The following KCND2 variants were observed in gnomAD, a reference collection of about 807,000 sequenced individuals.
The protein encoded by KCND2 is potassium voltage-gated channel subfamily D member 2, also known as A-type voltage-gated potassium channel KCND2.
KCND2 carries 16 observed loss-of-function variants against 54.4 expected under a neutral mutation model. The ratio of observed to expected loss-of-function variants is 0.29; its 90% CI spans 0.20 to 0.45. The LOEUF is 0.45. Ranked by LOEUF, KCND2 falls within the 20% of genes least tolerant of loss-of-function variation. The probability of loss-of-function intolerance (pLI) is 1.00; values close to 1 mark genes in which losing one functional copy is unlikely to be tolerated. For missense variants in KCND2, 486 were observed against 824.2 expected (o/e 0.59, Z 5.02); for synonymous variants, 317 against 310.7 (o/e 1.02, Z -0.21).
chr7:120,740,079 A>G (rs1792922169), intron 2 of KCND2, among the ~76,000 whole-genome samples: 2 of 152,092 alleles, frequency 1.3e-5, no homozygotes, highest in Admixed American at 6.6e-5. Flanking sequence ...AAAAAACACA[A>G]CTAAATGCAG....
chr7:120,380,010 C>T lies in KCND2; in HGVS notation c.1115+104263C>T, dbSNP rs142997050. Among the ~76,000 whole-genome samples the T allele has an allele frequency of 3.3e-5, 5 of 152,116 alleles. 1 individual carries two copies. Among genetic ancestry groups the T allele is most frequent in the Admixed American group, 2.0e-4 (3 of 15,264 alleles). Reference sequence around the variant, plus strand: ...ACAGTATAACCTACGCTATCCTGACCTGTACATATTTTCATATGATATATC... The same window carrying T: ...ACAGTATAACCTACGCTATCCTGACTTGTACATATTTTCATATGATATATC... On this transcript the variant is annotated intron_variant, in intron 1 of 5. Coordinates refer to ENST00000331113, the MANE Select transcript of KCND2 (RefSeq NM_012281.3).
At chr7:120,666,641 G>C (rs1250697292) in intron 1 of KCND2, among the ~76,000 whole-genome samples, 1 of 151,800 alleles carries the variant, frequency 6.6e-6, no homozygotes, top group East Asian at 1.9e-4. Context: ...GCTCTTGCAA[G>C]AGCATCCCTC....
rs143522381 is a variant in KCND2, at chr7:120,418,834, C to T, written c.1115+143087C>T. Among the ~76,000 whole-genome samples, 552 of 152,250 alleles carry T rather than the reference C, an allele frequency of 3.6e-3. 6 individuals carry two copies. Among genetic ancestry groups the T allele is most frequent in the Middle Eastern group, 0.024 (7 of 294 alleles). On this transcript the variant is annotated intron_variant, in intron 1 of 5. Transcript: ENST00000331113. ...GAGTGGCTGTACTCTTTTATTTACT[C>T]AATTGTTCCACCAAACAAATACATT...
At chr7:120,297,458 A>G (rs1209790723) in intron 1 of KCND2, among the ~76,000 whole-genome samples, 5 of 152,102 alleles carry the variant, frequency 3.3e-5, no homozygotes, top group African/African-American at 9.7e-5. Flanking sequence ...TGATCCATCA[A>G]TGAACACTTA....
chr7:120,437,806 AC>A (rs1270133056), intron 1 of KCND2, among the ~76,000 whole-genome samples: 1 of 152,228 alleles, frequency 6.6e-6, no homozygotes, highest in African/African-American at 2.4e-5. Context: ...CATCAGCATC[AC>A]AACAGAATGA....
chr7:120,621,772 G>A (rs915117174), intron 1 of KCND2, among the ~76,000 whole-genome samples: 8 of 151,998 alleles, frequency 5.3e-5, no homozygotes, highest in South Asian at 2.1e-4. Flanking sequence ...GAAACATTGC[G>A]CGTGTGAGAA....
At chr7:120,288,530 A>G (rs1799382623) in intron 1 of KCND2, among the ~76,000 whole-genome samples, 1 of 152,078 alleles carries the variant, frequency 6.6e-6, no homozygotes, top group Admixed American at 6.6e-5. Flanking sequence ...TGATGTTGAG[A>G]TGTTTAATTG....
chr7:120,675,444 G>A (rs1434116261), intron 1 of KCND2, among the ~76,000 whole-genome samples: 1 of 150,598 alleles, frequency 6.6e-6, no homozygotes. Flanking sequence ...TCGCCATGTT[G>A]GCCAGGCTGG....
At chr7:120,566,521 T>C (rs1454942998) in intron 1 of KCND2, among the ~76,000 whole-genome samples, 2 of 152,064 alleles carry the variant, frequency 1.3e-5, no homozygotes, top group African/African-American at 4.8e-5. Context: ...GATTTTATTT[T>C]TTATGGACAC....
chr7:120,709,013 T>TA (rs1792504699), intron 1 of KCND2, among the ~76,000 whole-genome samples: 3 of 152,062 alleles, frequency 2.0e-5, no homozygotes, highest in Admixed American at 2.0e-4. Flanking sequence ...CATCATCAAA[T>TA]CAAATTCTCT....
intron 1 of KCND2, among the ~76,000 whole-genome samples, chr7:120,710,647 G>A (rs1403508182): frequency 6.6e-6 from 1 of 151,982 alleles, no homozygotes; most frequent in Non-Finnish European, 1.5e-5. Flanking sequence ...ATCACAGTTT[G>A]GAATTGTCCT....
chr7:120,296,329 A>C (rs2116286142), intron 1 of KCND2, among the ~76,000 whole-genome samples: 1 of 152,228 alleles, frequency 6.6e-6, no homozygotes, highest in Non-Finnish European at 1.5e-5. Flanking sequence ...TTGTCCTACA[A>C]AATTTCACAA....
At chr7:120,659,514 G>A (rs925319894) in intron 1 of KCND2, among the ~76,000 whole-genome samples, 4 of 152,122 alleles carry the variant, frequency 2.6e-5, no homozygotes, top group Non-Finnish European at 5.9e-5. Context: ...ATACAATAGT[G>A]GAAAATTACT....
At chr7:120,453,096 T>G (rs2116222001) in intron 1 of KCND2, among the ~76,000 whole-genome samples, 1 of 152,192 alleles carries the variant, frequency 6.6e-6, no homozygotes, top group East Asian at 1.9e-4. Context: ...CCTGATCATC[T>G]CTCTATTGCA....
chr7:120,284,628 C>T (rs546783198), intron 1 of KCND2, among the ~76,000 whole-genome samples: 1 of 152,160 alleles, frequency 6.6e-6, no homozygotes, highest in African/African-American at 2.4e-5. Flanking sequence ...TTTTGACTTG[C>T]TAGGCTCGTT....
At chr7:120,386,548 A>G (rs1426130652) in intron 1 of KCND2, among the ~76,000 whole-genome samples, 1 of 152,146 alleles carries the variant, frequency 6.6e-6, no homozygotes, top group Admixed American at 6.6e-5. Flanking sequence ...TCAATTAGCA[A>G]TGCTTCTTAA....
intron 1 of KCND2, among the ~76,000 whole-genome samples, chr7:120,621,970 TG>T (rs1426646470): frequency 6.6e-6 from 1 of 151,900 alleles, no homozygotes; most frequent in Non-Finnish European, 1.5e-5. Context: ...AAGGTTTTTT[TG>T]TTGTTGTTGT....
chr7:120,287,402 T>C (rs1799361842), intron 1 of KCND2, among the ~76,000 whole-genome samples: 1 of 152,114 alleles, frequency 6.6e-6, no homozygotes, highest in South Asian at 2.1e-4. Flanking sequence ...TTCTGGGAGT[T>C]CACCTAAAGC....
chr7:120,622,592 A>G (rs1562890495), intron 1 of KCND2, among the ~76,000 whole-genome samples: 1 of 151,906 alleles, frequency 6.6e-6, no homozygotes, highest in Non-Finnish European at 1.5e-5. Context: ...GAGTTATAGC[A>G]GAATCATGGA....
Sources: gnomAD v4.1 joint callset for allele counts (sites outside exome capture counted in the v4.1 genomes callset) on GRCh38, gnomAD v4.1.1 for gene constraint, MANE v1.5 for transcripts, NCBI Gene and HGNC (gene_info 2026-07-23, HGNC 2026-07-21) for gene names.